Variants in ZHX3 observed in about 807,000 individuals in gnomAD.
ZHX3 encodes zinc fingers and homeoboxes 3.
ZHX3 carries 20 observed loss-of-function variants against 64.5 expected under a neutral mutation model. The ratio of observed to expected loss-of-function variants is 0.31; its 90% confidence interval spans 0.22 to 0.45. The LOEUF (loss-of-function observed/expected upper bound fraction) is 0.45, where lower values mean the gene tolerates loss of function less well. ZHX3 is among the 20% of genes least tolerant of loss of function. The probability of loss-of-function intolerance (pLI) is 1.00; values close to 1 mark genes in which losing one functional copy is unlikely to be tolerated. For synonymous variants in ZHX3, 423 were observed against 461.6 expected, an observed-to-expected ratio of 0.92 and a Z score of 1.07; for missense variants, 1,041 against 1,195.8, an observed-to-expected ratio of 0.87 and a Z score of 1.91.
chr20:41,259,826 A>G (rs992188411), intron 2 of ZHX3, among the ~76,000 whole-genome samples: 2 of 152,212 alleles, frequency 1.3e-5, no homozygotes, highest in Non-Finnish European at 2.9e-5. Context: ...TGTAACTATT[A>G]TATTATTTGA....
chr20:41,275,627 T>A (rs1356972768), intron 1 of ZHX3, among the ~76,000 whole-genome samples: 1 of 152,194 alleles, frequency 6.6e-6, no homozygotes, highest in Non-Finnish European at 1.5e-5. Context: ...CAGCATAACA[T>A]CCGTAGGAGA....
At position 41,202,926 on chromosome 20, in the gene ZHX3, C is replaced by T. The variant is rs774108661; in HGVS notation, c.1991G>A (p.Arg664Gln). The change falls in exon 3 of 4, where the codon CGG (arginine) becomes CAG (glutamine). Residue 664 changes from arginine (R) to glutamine (Q), a missense_variant. Arg to Gln is a conservative substitution (Grantham distance 43). Transcript: ENST00000683867. The surrounding 1 kb of genome is among the most constrained non-coding windows in gnomAD (Gnocchi z 7.0). ...GGTCTCCTCAGCATTCACTTTTTTC[C>T]GTCTCTCTGAAAACCAGCTATCAAT... ...REIDSWFSER[R>Q]KKVNAEETKK... is the part of the protein sequence containing the mutation. 17 of 1,613,984 alleles carry T rather than the reference C, an allele frequency of 1.1e-5. No homozygotes were observed. Among genetic ancestry groups the T allele is most frequent in the South Asian group, 4.4e-5 (4 of 91,076 alleles).
intron 1 of ZHX3, among the ~76,000 whole-genome samples, chr20:41,277,525 A>C (rs913121445): frequency 6.6e-6 from 1 of 152,140 alleles, no homozygotes; most frequent in Non-Finnish European, 1.5e-5. Flanking sequence ...GAGTTCAATT[A>C]ATTCTTAAGA....
intron 3 of ZHX3, among the ~76,000 whole-genome samples, chr20:41,189,715 G>A (rs1353667387): frequency 1.3e-5 from 2 of 152,130 alleles, no homozygotes; most frequent in Non-Finnish European, 2.9e-5. Flanking sequence ...TTGCTTACCA[G>A]CTTTAAGAGT....
At chr20:41,188,383 C>CT (rs1237404339) in intron 3 of ZHX3, 2 of 145,782 alleles carry the variant, frequency 1.4e-5, no homozygotes, top group African/African-American at 5.0e-5. Context: ...CTATTCATGT[C>CT]TTTTGTCCCC....
chr20:41,206,984 G>A (rs1455161471), intron 2 of ZHX3, among the ~76,000 whole-genome samples: 3 of 152,178 alleles, frequency 2.0e-5, no homozygotes, highest in African/African-American at 7.2e-5. Flanking sequence ...AAGAGAAGTG[G>A]GGGCCGATAT....
chr20:41,284,198 G>A (rs2043825963), intron 1 of ZHX3, among the ~76,000 whole-genome samples: 1 of 152,078 alleles, frequency 6.6e-6, no homozygotes, highest in Admixed American at 6.5e-5. Context: ...CCAAATAAAT[G>A]CATTTATAAA....
chr20:41,196,758 G>A (rs2037736963), intron 3 of ZHX3: 1 of 178,980 alleles, frequency 5.6e-6, no homozygotes, highest in African/African-American at 2.5e-5. Flanking sequence ...CAAGAAGGCA[G>A]TGCTGAAAGG....
chr20:41,247,329 G>T (rs1020150695), intron 2 of ZHX3, among the ~76,000 whole-genome samples: 1 of 152,140 alleles, frequency 6.6e-6, no homozygotes, highest in Non-Finnish European at 1.5e-5. Flanking sequence ...GTCAAGGGTG[G>T]CATGTCACTG....
chr20:41,217,929 T>C (rs1289869651), intron 2 of ZHX3, among the ~76,000 whole-genome samples: 1 of 152,230 alleles, frequency 6.6e-6, no homozygotes, highest in Non-Finnish European at 1.5e-5. Flanking sequence ...TGTAACTATT[T>C]TGACATTTTT....
intron 1 of ZHX3, among the ~76,000 whole-genome samples, chr20:41,289,340 AGGTCATT>A (rs1438677439): frequency 5.3e-5 from 8 of 152,164 alleles, no homozygotes; most frequent in Admixed American, 2.0e-4. Flanking sequence ...AATAATTACC[AGGTCATT>A]GGTAAATAAC....
At chr20:41,197,086 G>C (rs1324399792) in intron 3 of ZHX3, 1 of 217,436 alleles carries the variant, frequency 4.6e-6, no homozygotes, top group African/African-American at 2.3e-5. Context: ...GGCTGATGGA[G>C]AGAAGAAGGC....
Position 41,200,898 on chromosome 20 carries a change from T to C in ZHX3, c.2860+1159A>G, listed in dbSNP as rs2038163243. 6.6e-6 allele frequency among the ~76,000 whole-genome samples: 1 copy of C among 152,196 alleles called. No homozygotes were observed. Among genetic ancestry groups the C allele is most frequent in the Non-Finnish European group, 1.5e-5 (1 of 68,032 alleles). On this transcript the variant is annotated intron_variant, in intron 3 of 3. Transcript: ENST00000683867. This position sits in a 1 kb window ranked among gnomAD's most constrained non-coding sequence, Gnocchi z 4.2. ...CTGTTGTGTTCAAATGAATTTAAAA[T>C]ATTCAGAGAAAGAAAAAGAATTTTG...
intron 1 of ZHX3, among the ~76,000 whole-genome samples, chr20:41,274,504 T>G (rs1444264137): frequency 6.6e-6 from 1 of 152,146 alleles, no homozygotes; most frequent in South Asian, 2.1e-4. Context: ...CTTTAAAAAT[T>G]TTTGGCTAAA....
chr20:41,312,866 G>A (rs187445978), intron 1 of ZHX3, among the ~76,000 whole-genome samples: 1 of 152,158 alleles, frequency 6.6e-6, no homozygotes, highest in Non-Finnish European at 1.5e-5. Flanking sequence ...CACCAAGCAG[G>A]GGGGTGGCAT....
chr20:41,308,049 C>A (rs926187576), intron 1 of ZHX3, among the ~76,000 whole-genome samples: 25 of 152,172 alleles, frequency 1.6e-4, no homozygotes, highest in African/African-American at 4.6e-4. Context: ...TACAGCAGAG[C>A]CTGCAAGGGT....
rs1185104822 is a variant in ZHX3 at position 41,181,299 on chromosome 20, T to C, written c.*3892A>G. 2 of 152,234 alleles carry C rather than the reference T, an allele frequency of 1.3e-5. No homozygotes were observed. The highest frequency in any genetic ancestry group is 2.9e-5 in the Non-Finnish European group (2 of 68,050). 9.4% of individuals were successfully genotyped at this position (152,234 alleles called of 1,614,324 possible). The stretch of plus-strand genomic sequence containing the variant: ...AACTACCTTGAGAATGGATGTGATA[T>C]GTGAAAATTTAAATTTAATACAAAA... On this transcript the variant is annotated 3_prime_UTR_variant, in exon 4 of 4. Coordinates refer to ENST00000683867, the MANE Select transcript of ZHX3 (RefSeq NM_001384317.1).
At position 41,202,512 on chromosome 20, in the gene ZHX3, C is replaced by T. The variant is rs1177516227; in HGVS notation, c.2405G>A (p.Gly802Asp). 1 of 1,614,094 alleles carries T rather than the reference C, an allele frequency of 6.2e-7. No homozygotes were observed. The highest frequency in any genetic ancestry group is 8.5e-7 in the Non-Finnish European group (1 of 1,180,054). ...QDYDSIMAQT[G>D]LPRPEVVRWF... is the part of the protein sequence containing the mutation. ...GCGCACCACCTCTGGCCGTGGCAGA[C>T]CCGTCTGGGCCATGATGGAGTCATA... is the stretch of plus-strand genomic sequence containing the variant. The change falls in exon 3 of 4, where the codon GGT (glycine) becomes GAT (aspartate). Residue 802 changes from glycine to aspartate, a missense_variant. Around this residue, in one of 4 missense-constraint regions of ZHX3, gnomAD observed 649 missense variants for 739.8 expected, o/e 0.88. Coordinates refer to ENST00000683867, the MANE Select transcript of ZHX3 (RefSeq NM_001384317.1). This position sits in a 1 kb window ranked among gnomAD's most constrained non-coding sequence, Gnocchi z 7.0.
rs1405667585 is a variant in ZHX3, at chr20:41,181,681, C to G, written c.*3510G>C. 2 of 152,256 alleles carry G rather than the reference C, an allele frequency of 1.3e-5. No homozygotes were observed. The highest frequency in any genetic ancestry group is 1.3e-4 in the Admixed American group (2 of 15,282). The allele number at this position is 152,256 out of a possible 1,614,324, so 9.4% of individuals were successfully genotyped here. ...GAGAGGGAGAGAACACAGGACCTGC[C>G]CCTAGGCCACTGACTGAGCAGGATA... On this transcript the variant is annotated 3_prime_UTR_variant, in exon 4 of 4. Transcript: ENST00000683867.
Sources: allele counts gnomAD v4.1 joint callset (sites outside exome capture counted in the v4.1 genomes callset), GRCh38; gene constraint gnomAD v4.1.1; regional missense constraint gnomAD v4.1.1; non-coding constraint Gnocchi (gnomAD v3.1); transcripts MANE v1.5; gene names NCBI Gene and HGNC (gene_info 2026-07-23, HGNC 2026-07-21).